ARHGAP24: variants seen among roughly 807,000 people sequenced by gnomAD.
ARHGAP24 encodes the protein rho GTPase-activating protein 24.
Under a neutral mutation model 76.4 loss-of-function variants are expected in ARHGAP24, and 50 were observed. The ratio of observed to expected loss-of-function variants is 0.65; its 90% confidence interval spans 0.52 to 0.83. The LOEUF is 0.83. Among genes scored for constraint, ARHGAP24 ranks in the 40% least tolerant of loss-of-function variants. The pLI, the probability that ARHGAP24 is intolerant of heterozygous loss-of-function variation, is 0.00. For missense variants in ARHGAP24, 930 were observed against 914.2 expected, an observed-to-expected ratio of 1.02 and a Z score of -0.22; for synonymous variants, 345 against 323.3, an observed-to-expected ratio of 1.07 and a Z score of -0.72.
At chr4:85,779,755 A>G (rs1727456393) in intron 3 of ARHGAP24, among the ~76,000 whole-genome samples, 1 of 152,186 alleles carries the variant, frequency 6.6e-6, no homozygotes, top group South Asian at 2.1e-4. Flanking sequence ...AATGCGGCAC[A>G]GAAAAAAATC....
chr4:85,487,345 T>C (rs1459980865), intron 1 of ARHGAP24, among the ~76,000 whole-genome samples: 18 of 114,178 alleles, frequency 1.6e-4, no homozygotes, highest in Non-Finnish European at 2.4e-4. Flanking sequence ...TTTATATACA[T>C]TTATAATATA....
chr4:85,979,056 T>A (rs550784091), intron 8 of ARHGAP24, among the ~76,000 whole-genome samples: 1 of 152,326 alleles, frequency 6.6e-6, no homozygotes, highest in Admixed American at 6.5e-5. Flanking sequence ...GATTTGTTGA[T>A]CCACGGATTT....
chr4:85,639,081 AGT>A (rs935443756), intron 2 of ARHGAP24, among the ~76,000 whole-genome samples: 1 of 152,152 alleles, frequency 6.6e-6, no homozygotes, highest in African/African-American at 2.4e-5. Context: ...ATGATACAGT[AGT>A]GTGCATTTCT....
chr4:85,559,408 GT>G (rs1217500382), intron 1 of ARHGAP24, among the ~76,000 whole-genome samples: 1 of 151,884 alleles, frequency 6.6e-6, no homozygotes, highest in African/African-American at 2.4e-5. Flanking sequence ...CTTATTTTTT[GT>G]GATGAGAACA....
chr4:85,845,991 C>T (rs1414827566), intron 3 of ARHGAP24, among the ~76,000 whole-genome samples: 2 of 151,802 alleles, frequency 1.3e-5, no homozygotes, highest in African/African-American at 4.8e-5. Context: ...CTGCAACTTC[C>T]GCCTCCCATG....
chr4:85,889,854 C>G (rs751149746), intron 3 of ARHGAP24, among the ~76,000 whole-genome samples: 31 of 152,138 alleles, frequency 2.0e-4, no homozygotes, highest in Admixed American at 2.0e-4. Context: ...AACGCCTTAT[C>G]TATACATAAA....
chr4:85,493,288 T>C (rs1723430291), intron 1 of ARHGAP24, among the ~76,000 whole-genome samples: 1 of 152,268 alleles, frequency 6.6e-6, no homozygotes, highest in African/African-American at 2.4e-5. Context: ...TTTTCTATCA[T>C]ACTTTCAGCT....
intron 8 of ARHGAP24, among the ~76,000 whole-genome samples, chr4:85,987,648 T>A (rs1470659976): frequency 1.3e-5 from 2 of 151,984 alleles, no homozygotes; most frequent in East Asian, 3.9e-4. Flanking sequence ...TTTCTAAGGA[T>A]GAAAATTATC....
intron 3 of ARHGAP24, among the ~76,000 whole-genome samples, chr4:85,747,838 C>T (rs1726107762): frequency 6.6e-6 from 1 of 152,136 alleles, no homozygotes; most frequent in African/African-American, 2.4e-5. Flanking sequence ...GAACCTAAAT[C>T]ATCAGGACAG....
chr4:85,885,375 A>T (rs1454504826), intron 3 of ARHGAP24, among the ~76,000 whole-genome samples: 1 of 152,082 alleles, frequency 6.6e-6, no homozygotes, highest in Non-Finnish European at 1.5e-5. Context: ...TTTTCAACTA[A>T]GGGCCAGTTT....
At chr4:85,927,736 G>T (rs777654234) in intron 4 of ARHGAP24, among the ~76,000 whole-genome samples, 4 of 152,140 alleles carry the variant, frequency 2.6e-5, no homozygotes, top group Non-Finnish European at 2.9e-5. Context: ...TACAAAGAGG[G>T]CATTTCATTG....
chr4:85,496,002 T>A (rs1723567715), intron 1 of ARHGAP24, among the ~76,000 whole-genome samples: 1 of 152,260 alleles, frequency 6.6e-6, no homozygotes, highest in African/African-American at 2.4e-5. Context: ...GTTAGCCTAC[T>A]GTTATCTTTG....
intron 3 of ARHGAP24, among the ~76,000 whole-genome samples, chr4:85,813,018 C>T (rs1361601376): frequency 6.6e-6 from 1 of 152,128 alleles, no homozygotes; most frequent in Non-Finnish European, 1.5e-5. Flanking sequence ...AACCAGAAAA[C>T]AGTTTCTTTT....
intron 2 of ARHGAP24, among the ~76,000 whole-genome samples, chr4:85,601,501 G>A (rs551660876): frequency 2.6e-5 from 4 of 152,226 alleles, no homozygotes; most frequent in African/African-American, 9.6e-5. Context: ...CCTGTGCGTT[G>A]TAGGGTGTCT....
chr4:85,610,287 C>CA (rs1201246008), intron 2 of ARHGAP24, among the ~76,000 whole-genome samples: 1 of 150,650 alleles, frequency 6.6e-6, no homozygotes, highest in Non-Finnish European at 1.5e-5. Flanking sequence ...ACTAAAAATC[C>CA]AAAAAAATTA....
chr4:85,522,009 T>C (rs1167109026), intron 1 of ARHGAP24, among the ~76,000 whole-genome samples: 1 of 152,168 alleles, frequency 6.6e-6, no homozygotes, highest in East Asian at 1.9e-4. Flanking sequence ...TTCTGAGAAG[T>C]TTTAAAAAAC....
intron 2 of ARHGAP24, among the ~76,000 whole-genome samples, chr4:85,714,572 A>G (rs1247181555): frequency 1.3e-5 from 2 of 152,106 alleles, no homozygotes; most frequent in African/African-American, 4.8e-5. Flanking sequence ...GAAATATTAC[A>G]TGTTTTCCTT....
intron 8 of ARHGAP24, among the ~76,000 whole-genome samples, chr4:85,984,969 C>T (rs1251818174): frequency 6.6e-6 from 1 of 151,978 alleles, no homozygotes; most frequent in Admixed American, 6.6e-5. Flanking sequence ...TTATAGGCAC[C>T]TGCGACCACA....
intron 2 of ARHGAP24, among the ~76,000 whole-genome samples, chr4:85,699,590 A>G (rs1030603127): frequency 6.6e-6 from 1 of 151,878 alleles, no homozygotes; most frequent in Non-Finnish European, 1.5e-5. Context: ...CAACAGAGCA[A>G]GACCCTGTCT....
Sources: gnomAD v4.1 joint callset for allele counts (sites outside exome capture counted in the v4.1 genomes callset) on GRCh38, gnomAD v4.1.1 for gene constraint, MANE v1.5 for transcripts, NCBI Gene and HGNC (gene_info 2026-07-23, HGNC 2026-07-21) for gene names.